The following FGF12 variants were observed in gnomAD, a reference collection of about 807,000 sequenced individuals.
The protein encoded by FGF12 is fibroblast growth factor 12B.
Under a neutral mutation model 23.6 loss-of-function variants are expected in FGF12, and 14 were observed. The ratio of observed to expected loss-of-function variants is 0.59; its 90% CI spans 0.39 to 0.93. The LOEUF is 0.93. Ranked by LOEUF, FGF12 falls within the 40% of genes least tolerant of loss-of-function variation. The pLI is 0.00. For missense variants in FGF12, 175 were observed against 217.8 expected, an observed-to-expected ratio of 0.80 and a Z score of 1.24; for synonymous variants, 62 against 77.3, an observed-to-expected ratio of 0.80 and a Z score of 1.04.
chr3:192,251,066 C>T (rs1054149739), intron 4 of FGF12, among the ~76,000 whole-genome samples: 2 of 152,072 alleles, frequency 1.3e-5, no homozygotes, highest in African/African-American at 4.8e-5. Context: ...CAGTCTTAAG[C>T]TGATCGTGAG....
intron 2 of FGF12, among the ~76,000 whole-genome samples, chr3:192,449,961 T>A (rs1171157846): frequency 6.6e-6 from 1 of 152,186 alleles, no homozygotes; most frequent in Admixed American, 6.5e-5. Flanking sequence ...ACTAGCCAAT[T>A]TTCTGTTACT....
intron 3 of FGF12, among the ~76,000 whole-genome samples, chr3:192,353,534 T>C (rs1299400496): frequency 6.6e-6 from 1 of 152,052 alleles, no homozygotes; most frequent in African/African-American, 2.4e-5. Flanking sequence ...CACACCCGCC[T>C]AATTTTTTAT....
intron 2 of FGF12, among the ~76,000 whole-genome samples, chr3:192,518,938 C>T (rs962061458): frequency 1.3e-4 from 19 of 151,916 alleles, no homozygotes; most frequent in African/African-American, 4.1e-4. Flanking sequence ...TCTTCATCTT[C>T]GTTATCTCCT....
chr3:192,201,074 T>C (rs925683906), intron 4 of FGF12, among the ~76,000 whole-genome samples: 2 of 152,232 alleles, frequency 1.3e-5, no homozygotes, highest in African/African-American at 4.8e-5. Flanking sequence ...AAGGGTCATC[T>C]GTAGGGGGCC....
chr3:192,562,190 G>A (rs1354352303), intron 2 of FGF12, among the ~76,000 whole-genome samples: 4 of 152,066 alleles, frequency 2.6e-5, no homozygotes, highest in Admixed American at 2.0e-4. Flanking sequence ...TCAAGATTAG[G>A]CCAAACAAGT....
chr3:192,432,639 A>AAAAAAG (rs1553812376), intron 2 of FGF12, among the ~76,000 whole-genome samples: 20 of 137,162 alleles, frequency 1.5e-4, no homozygotes, highest in African/African-American at 5.7e-4. Flanking sequence ...AAAAAAAAAA[A>AAAAAAG]AAAGAAAGAA....
At chr3:192,546,198 G>A (rs886664042) in intron 2 of FGF12, among the ~76,000 whole-genome samples, 6 of 152,048 alleles carry the variant, frequency 3.9e-5, no homozygotes, top group Admixed American at 2.0e-4. Context: ...AGTCTCAGTT[G>A]TTTCCTCTAA....
At chr3:192,250,755 T>C (rs903009987) in intron 4 of FGF12, among the ~76,000 whole-genome samples, 2 of 152,096 alleles carry the variant, frequency 1.3e-5, no homozygotes, top group Non-Finnish European at 2.9e-5. Context: ...AAGAATTCAA[T>C]ACATTATGGG....
At chr3:192,656,114 A>C (rs1716407375) in intron 2 of FGF12, among the ~76,000 whole-genome samples, 1 of 152,054 alleles carries the variant, frequency 6.6e-6, no homozygotes, top group African/African-American at 2.4e-5. Context: ...GTATGCACTC[A>C]ATAAATGTAT....
intron 2 of FGF12, among the ~76,000 whole-genome samples, chr3:192,650,558 A>G (rs970125109): frequency 2.0e-5 from 3 of 152,174 alleles, no homozygotes; most frequent in African/African-American, 7.2e-5. Context: ...TGAATTTATT[A>G]TACCTCACTG....
At chr3:192,300,093 G>A (rs904007366) in intron 4 of FGF12, among the ~76,000 whole-genome samples, 1 of 152,114 alleles carries the variant, frequency 6.6e-6, no homozygotes, top group Non-Finnish European at 1.5e-5. Flanking sequence ...CAAAACATAG[G>A]GGAGCACAGG....
intron 2 of FGF12, among the ~76,000 whole-genome samples, chr3:192,362,834 A>G (rs1479930643): frequency 6.6e-6 from 1 of 152,186 alleles, no homozygotes; most frequent in Non-Finnish European, 1.5e-5. Context: ...AGAAAAGAGT[A>G]TGTCTCCAGC....
intron 4 of FGF12, among the ~76,000 whole-genome samples, chr3:192,289,006 C>T (rs1714614245): frequency 6.6e-6 from 1 of 152,018 alleles, no homozygotes; most frequent in Non-Finnish European, 1.5e-5. Flanking sequence ...CAAGAGGAAA[C>T]CACTCACTGA....
At chr3:192,325,455 A>G (rs1716769526) in intron 4 of FGF12, among the ~76,000 whole-genome samples, 1 of 152,174 alleles carries the variant, frequency 6.6e-6, no homozygotes, top group African/African-American at 2.4e-5. Flanking sequence ...TTCAAATTCT[A>G]TGATTCATTT....
chr3:192,281,515 C>T (rs1432244998), intron 4 of FGF12, among the ~76,000 whole-genome samples: 2 of 152,074 alleles, frequency 1.3e-5, no homozygotes, highest in Non-Finnish European at 2.9e-5. Context: ...GGACACTATT[C>T]ATGTGTGGAG....
At chr3:192,174,893 A>G (rs1011435168) in intron 4 of FGF12, among the ~76,000 whole-genome samples, 3 of 152,156 alleles carry the variant, frequency 2.0e-5, no homozygotes, top group African/African-American at 7.2e-5. Context: ...ACATGTTTTA[A>G]ATGTTTAGAA....
chr3:192,414,705 C>T (rs1721291663), intron 2 of FGF12, among the ~76,000 whole-genome samples: 1 of 152,102 alleles, frequency 6.6e-6, no homozygotes, highest in South Asian at 2.1e-4. Context: ...TAATCCAGGC[C>T]TTTTAACCTC....
At chr3:192,519,235 T>C (rs1434475041) in intron 2 of FGF12, among the ~76,000 whole-genome samples, 2 of 152,226 alleles carry the variant, frequency 1.3e-5, no homozygotes, top group Non-Finnish European at 2.9e-5. Flanking sequence ...CATTTGATTG[T>C]CATGTCACTT....
chr3:192,344,277 C>T (rs1717844580), intron 3 of FGF12, among the ~76,000 whole-genome samples: 1 of 152,164 alleles, frequency 6.6e-6, no homozygotes, highest in South Asian at 2.1e-4. Flanking sequence ...CATATCTCCA[C>T]ATCTGGAGTT....
Sources: allele counts gnomAD v4.1 joint callset (sites outside exome capture counted in the v4.1 genomes callset), GRCh38; gene constraint gnomAD v4.1.1; transcripts MANE v1.5; gene names NCBI Gene and HGNC (gene_info 2026-07-23, HGNC 2026-07-21).